The following ELFN2 variants were observed in gnomAD, a reference collection of about 807,000 sequenced individuals.
The protein encoded by ELFN2 is extracellular leucine rich repeat and fibronectin type III domain containing 2, also known as protein phosphatase 1 regulatory subunit 29.
A neutral mutation model predicts 45.5 loss-of-function variants in ELFN2; 17 were observed. The ratio of observed to expected loss-of-function variants is 0.37; its 90% CI spans 0.26 to 0.56. ELFN2 has a LOEUF of 0.56. ELFN2 is among the 20% of genes least tolerant of loss of function. The probability of loss-of-function intolerance (pLI) is 0.77; values close to 1 mark genes in which losing one functional copy is unlikely to be tolerated. For synonymous variants in ELFN2, 550 were observed against 551.5 expected (o/e 1.00, Z 0.04); for missense variants, 922 against 1,183.2 (o/e 0.78, Z 3.24).
chr22:37,364,616 T>C (rs1286634621), downstream of ELFN2, among the ~76,000 whole-genome samples: 1 of 152,140 alleles, frequency 6.6e-6, no homozygotes, highest in Non-Finnish European at 1.5e-5. Context: ...ACAGCTCCTG[T>C]AGACACAGGC....
chr22:37,423,808 C>T (rs942460788), intron 1 of ELFN2, among the ~76,000 whole-genome samples: 1 of 152,132 alleles, frequency 6.6e-6, no homozygotes, highest in Non-Finnish European at 1.5e-5. Context: ...TTCTCTGGGG[C>T]TTTCCTGGGG....
At chr22:37,359,574 G>A (rs931679934) in intron 1 of ELFN2, among the ~76,000 whole-genome samples, 4 of 152,196 alleles carry the variant, frequency 2.6e-5, no homozygotes, top group Admixed American at 6.5e-5. Flanking sequence ...CGGTATGAAC[G>A]CTCCTCAGCT....
intron 2 of ELFN2, among the ~76,000 whole-genome samples, chr22:37,401,410 T>C (rs1932357781): frequency 7.2e-6 from 1 of 138,958 alleles, no homozygotes; most frequent in Admixed American, 7.0e-5. Context: ...TCATGGGGCC[T>C]CCTGCACATT....
At chr22:37,347,186 C>T (rs1374468323) in intron 1 of ELFN2, among the ~76,000 whole-genome samples, 1 of 151,994 alleles carries the variant, frequency 6.6e-6, no homozygotes, top group East Asian at 1.9e-4. Context: ...AACATGTTGG[C>T]CAGGCTGGTC....
intron 1 of ELFN2, among the ~76,000 whole-genome samples, chr22:37,423,342 C>T (rs1019964204): frequency 7.2e-5 from 11 of 152,202 alleles, no homozygotes; most frequent in African/African-American, 2.4e-4. Context: ...GGCAGGGTCA[C>T]TGCACCCATT....
chr22:37,419,725 G>A (rs551435699), intron 1 of ELFN2, among the ~76,000 whole-genome samples: 1 of 152,208 alleles, frequency 6.6e-6, no homozygotes, highest in South Asian at 2.1e-4. Flanking sequence ...CCGGACACAC[G>A]TGCCAATGCA....
chr22:37,393,343 ACCTGGGCCTGGG>A (rs1193136158), intron 2 of ELFN2, among the ~76,000 whole-genome samples: 1 of 152,144 alleles, frequency 6.6e-6, no homozygotes, highest in Non-Finnish European at 1.5e-5. Flanking sequence ...CTCCACTCGC[ACCTGGGCCTGGG>A]CCTGGGCTTT....
chr22:37,421,261 C>T (rs1266475284), intron 1 of ELFN2, among the ~76,000 whole-genome samples: 1 of 152,244 alleles, frequency 6.6e-6, no homozygotes, highest in Non-Finnish European at 1.5e-5. Flanking sequence ...GGCATGCCCC[C>T]ACCCAGGGGT....
intron 2 of ELFN2, among the ~76,000 whole-genome samples, chr22:37,393,917 T>C (rs1361854918): frequency 6.6e-6 from 1 of 152,134 alleles, no homozygotes; most frequent in East Asian, 1.9e-4. Flanking sequence ...CCATCTCCAT[T>C]ATGCCTGGCG....
intron 1 of ELFN2, among the ~76,000 whole-genome samples, chr22:37,418,549 C>T (rs1212108268): frequency 2.6e-5 from 4 of 151,964 alleles, no homozygotes; most frequent in Non-Finnish European, 5.9e-5. Flanking sequence ...ACACATGTCA[C>T]ACCCACGTGT....
In ELFN2 at chr22:37,373,410, G is replaced by C; in HGVS notation, c.2125C>G (p.Arg709Gly). ...TAGTACAGGGCGGGAAAGCTGTGCC[G>C]GTGCTCGCTGCAGTGGTAGGCCGGC... ...VKPAYHCSEH[R>G]HSFPALYYEE... is the part of the protein sequence containing the mutation. The change falls in exon 3 of 3, where the codon CGG becomes GGG. Residue 709 changes from arginine (R) to glycine (G), a missense_variant. By Grantham distance (125) the Arg-to-Gly change is moderately radical. Transcript: ENST00000402918. 6.3e-7 allele frequency: 1 copy of C among 1,587,896 alleles called. No individual in the cohort carries two copies. The highest frequency in any genetic ancestry group is 8.6e-7 in the Non-Finnish European group (1 of 1,168,364).
At chr22:37,421,650 C>T (rs1397289306) in intron 1 of ELFN2, among the ~76,000 whole-genome samples, 7 of 152,192 alleles carry the variant, frequency 4.6e-5, no homozygotes, top group Non-Finnish European at 1.0e-4. Flanking sequence ...AGCATTTCTC[C>T]CTGGGTGAAA....
At chr22:37,348,634 G>GTC (rs1369973827) in intron 1 of ELFN2, among the ~76,000 whole-genome samples, 2 of 150,682 alleles carry the variant, frequency 1.3e-5, no homozygotes, top group East Asian at 1.9e-4. Context: ...CATGGTCTGG[G>GTC]TCTCTCTCTC....
At chr22:37,416,622 C>T (rs1932762198) in intron 2 of ELFN2, among the ~76,000 whole-genome samples, 1 of 152,118 alleles carries the variant, frequency 6.6e-6, no homozygotes, top group African/African-American at 2.4e-5. Flanking sequence ...TGGGAGGAAG[C>T]AAGCGCTGGT....
chr22:37,362,751 T>C (rs1315582002), intron 1 of ELFN2, among the ~76,000 whole-genome samples: 1 of 151,660 alleles, frequency 6.6e-6, no homozygotes, highest in Admixed American at 6.6e-5. Context: ...CCCTACTTCA[T>C]GGAGCTGCCG....
rs79261534 is a variant in ELFN2 at position 37,403,794 on chromosome 22, G to A, written c.-463+13975C>T. Reference sequence around the variant, plus strand: ...GGCGGTGCCCGCCGTGTATGCACACGTGTACACGCACCTGCACACGCCGAG... The same window carrying A: ...GGCGGTGCCCGCCGTGTATGCACACATGTACACGCACCTGCACACGCCGAG... On this transcript the variant is annotated intron_variant, in intron 2 of 2. Transcript: ENST00000402918. Among the ~76,000 whole-genome samples, 147 of 152,344 alleles carry A rather than the reference G, an allele frequency of 9.6e-4. 3 individuals carry two copies. The East Asian group carries it at 0.026, about 27-fold the overall frequency.
chr22:37,348,888 G>A (rs1430736221), intron 1 of ELFN2, among the ~76,000 whole-genome samples: 1 of 150,838 alleles, frequency 6.6e-6, no homozygotes, highest in East Asian at 1.9e-4. Context: ...CATCATGGGA[G>A]GCTTCCTGGA....
In ELFN2 at chr22:37,427,478, A is replaced by ACGC. The variant is rs1569147162; in HGVS notation, c.-795_-794insGCG. ...TCTGGGAGCGCGCGTGTGCGCGCAG[A>ACGC]CGCCGCCGCCCCCTCCTCCCCGCCG... is the stretch of plus-strand genomic sequence containing the variant. On this transcript the variant is annotated 5_prime_UTR_variant, in exon 1 of 3. Transcript: ENST00000402918. 1 of 152,080 alleles carries ACGC rather than the reference A, an allele frequency of 6.6e-6. No homozygotes were observed. Among genetic ancestry groups the ACGC allele is most frequent in the Non-Finnish European group, 1.5e-5 (1 of 68,036 alleles). The allele number at this position is 152,080 out of a possible 1,614,324, so 9.4% of individuals were successfully genotyped here. A position where few individuals can be genotyped will look rare whatever the true frequency, so the allele number is the denominator to read the frequency against.
intron 2 of ELFN2, among the ~76,000 whole-genome samples, chr22:37,411,167 A>G (rs1275815770): frequency 6.6e-6 from 1 of 152,154 alleles, no homozygotes; most frequent in African/African-American, 2.4e-5. Flanking sequence ...GCAACTTGTC[A>G]TGGGTAGAAT....
Sources: allele counts gnomAD v4.1 joint callset (sites outside exome capture counted in the v4.1 genomes callset), GRCh38; gene constraint gnomAD v4.1.1; transcripts MANE v1.5; gene names NCBI Gene and HGNC (gene_info 2026-07-23, HGNC 2026-07-21).